The following DOK7 variants were observed in gnomAD, a reference collection of about 807,000 sequenced individuals.
DOK7 encodes the protein docking protein 7.
DOK7 carries 32 observed loss-of-function variants against 30.7 expected under a neutral mutation model. The observed-to-expected ratio is 1.04, with a 90% CI of 0.79 to 1.40. The LOEUF is 1.40. Ranked by LOEUF, DOK7 falls within the 40% of genes most tolerant of loss-of-function variation. DOK7 has a pLI of 0.00. For missense variants in DOK7, 1,007 were observed against 699.2 expected, an observed-to-expected ratio of 1.44 and a Z score of -4.97; for synonymous variants, 447 against 324.1, an observed-to-expected ratio of 1.38 and a Z score of -4.07.
chr4:3,467,713 C>T (rs893838674), intron 2 of DOK7, among the ~76,000 whole-genome samples: 3 of 152,230 alleles, frequency 2.0e-5, no homozygotes, highest in Admixed American at 1.3e-4. Context: ...CGGCTCTTAG[C>T]GAATGCCACA....
At chr4:3,482,808 G>A (rs928911476) in intron 4 of DOK7, among the ~76,000 whole-genome samples, 1 of 152,212 alleles carries the variant, frequency 6.6e-6, no homozygotes, top group African/African-American at 2.4e-5. Context: ...AGCACTGGGG[G>A]TCTCCTGGTT....
intron 4 of DOK7, among the ~76,000 whole-genome samples, chr4:3,483,124 C>T (rs531905715): frequency 1.6e-3 from 135 of 82,350 alleles, no homozygotes; most frequent in Non-Finnish European, 2.7e-3. Context: ...AGGGTGGGGA[C>T]GGCAGCCTCC....
At chr4:3,494,594 CAG>C (rs954475358), downstream of DOK7, 31 of 906,526 alleles carry the variant, frequency 3.4e-5, no homozygotes, top group East Asian at 1.1e-3. Flanking sequence ...GCCTTTATCT[CAG>C]AGAGTGCGAG....
intron 2 of DOK7, among the ~76,000 whole-genome samples, chr4:3,473,144 C>T (rs554463681): frequency 1.3e-5 from 2 of 152,246 alleles, no homozygotes; most frequent in East Asian, 3.9e-4. Flanking sequence ...GTCCAGAACC[C>T]AGTCATGGGA....
intron 5 of DOK7, 135 bp from the exon 6 acceptor site, chr4:3,489,542 G>T (rs530640455): frequency 1.4e-6 from 2 of 1,407,628 alleles, no homozygotes; most frequent in Non-Finnish European, 1.9e-6. Context: ...ATGAGGCATC[G>T]GGAGGAGCGG....
At position 3,492,753 on chromosome 4, in the gene DOK7, TC is replaced by T. The variant is rs1728567704; in HGVS notation, c.773-5del. 1 of 1,612,260 alleles carries T rather than the reference TC, an allele frequency of 6.2e-7. No homozygotes were observed. Among genetic ancestry groups the T allele is most frequent in the African/African-American group, 1.3e-5 (1 of 74,804 alleles). Reference sequence around the variant, plus strand: ...ACAACTGCCTTGGCTTCCTGCTCTGTCTCAGGGGATGACCGCAGCCTGTCCA... The same window carrying T: ...ACAACTGCCTTGGCTTCCTGCTCTGTTCAGGGGATGACCGCAGCCTGTCCA... On this transcript the variant is annotated splice_region_variant and splice_polypyrimidine_tract_variant and intron_variant, in intron 6 of 6. Transcript: ENST00000340083.
chr4:3,470,045 G>A (rs1259575791), intron 2 of DOK7, among the ~76,000 whole-genome samples: 1 of 149,016 alleles, frequency 6.7e-6, no homozygotes, highest in Non-Finnish European at 1.5e-5. Context: ...CACCCACTGA[G>A]TCCTGGGAGT....
exon 8 of DOK7, chr4:3,500,895 C>T: frequency 6.8e-7 from 1 of 1,464,248 alleles, no homozygotes; most frequent in Non-Finnish European, 9.0e-7. Context: ...GCAGGCCAGC[C>T]CCTTCTGTTG....
exon 8 of DOK7, chr4:3,500,878 GC>G (rs1443631466): frequency 2.7e-6 from 4 of 1,474,262 alleles, no homozygotes; most frequent in African/African-American, 1.4e-5. Flanking sequence ...CGGCCCCGTG[GC>G]CCCCGGCAGG....
intron 6 of DOK7, among the ~76,000 whole-genome samples, chr4:3,491,871 C>T (rs980306770): frequency 2.0e-5 from 3 of 152,190 alleles, no homozygotes; most frequent in Non-Finnish European, 4.4e-5. Flanking sequence ...CGAAGGGTGG[C>T]TGCATGGGTG....
At chr4:3,491,292 C>G (rs570110804) in intron 6 of DOK7, among the ~76,000 whole-genome samples, 1 of 133,564 alleles carries the variant, frequency 7.5e-6, no homozygotes, top group African/African-American at 3.0e-5. Flanking sequence ...CCTCCGCCCC[C>G]CCGCTCATTC....
exon 8 of DOK7, chr4:3,501,186 C>T (rs2858018): frequency 0.96 from 280,615 of 291,956 alleles, 134,904 homozygotes; most frequent in East Asian, 1. Flanking sequence ...GGATGCAAAC[C>T]GCCCTCTCAC....
chr4:3,499,377 T>C (rs1232953901), downstream of DOK7, among the ~76,000 whole-genome samples: 1 of 152,176 alleles, frequency 6.6e-6, no homozygotes, highest in African/African-American at 2.4e-5. Flanking sequence ...CTGCCTCACG[T>C]GGCTGTGCGT....
chr4:3,485,730 C>A, intron 5 of DOK7, 72 bp downstream of exon 5: 1 of 1,408,352 alleles, frequency 7.1e-7, no homozygotes. Flanking sequence ...GGCGGGGGGC[C>A]ACAGTGATTT....
intron 6 of DOK7, among the ~76,000 whole-genome samples, chr4:3,490,891 AATTTCTTCCTTCTCTCCTCTGCTCATTC>A (rs1399290689): frequency 2.5e-5 from 2 of 79,070 alleles, no homozygotes; most frequent in East Asian, 4.3e-4. Context: ...CCTGCTCATT[AATTTCTTCCTTCTCTCCTCTGCTCATTC>A]ATTCCTTCCT....
chr4:3,498,593 C>G (rs554901887), downstream of DOK7, among the ~76,000 whole-genome samples: 1 of 152,332 alleles, frequency 6.6e-6, no homozygotes, highest in African/African-American at 2.4e-5. Flanking sequence ...GCTCCCTCAG[C>G]TCTCCCCAGG....
At chr4:3,491,549 A>G (rs59326887) in intron 6 of DOK7, among the ~76,000 whole-genome samples, 404 of 18,466 alleles carry the variant, frequency 0.022, 3 homozygotes, top group African/African-American at 0.044. Context: ...TCTCCCACCT[A>G]TTCATTCATT....
chr4:3,489,819 GC>G (rs1728082933), intron 6 of DOK7, 23 bp downstream of exon 6: 1 of 1,564,066 alleles, frequency 6.4e-7, no homozygotes, highest in Non-Finnish European at 8.7e-7. Flanking sequence ...GCTGACCTGG[GC>G]TGTGGGACCT....
intron 2 of DOK7, among the ~76,000 whole-genome samples, chr4:3,468,179 T>C (rs549314312): frequency 6.9e-6 from 1 of 143,916 alleles, no homozygotes; most frequent in African/African-American, 2.8e-5. Context: ...TGAATACCTG[T>C]GTGTGGGGGT....
Sources: gnomAD v4.1 joint callset for allele counts (sites outside exome capture counted in the v4.1 genomes callset) on GRCh38, gnomAD v4.1.1 for gene constraint, MANE v1.5 for transcripts, NCBI Gene and HGNC (gene_info 2026-07-23, HGNC 2026-07-21) for gene names.